Variants in ROBO2 observed in about 807,000 individuals in gnomAD.
ROBO2 encodes roundabout homolog 2.
In ROBO2, 53 loss-of-function variants were observed where a neutral mutation model predicts 160.8. The observed-to-expected ratio is 0.33, with a 90% CI of 0.26 to 0.41. The LOEUF (loss-of-function observed/expected upper bound fraction) is 0.41. ROBO2 is among the 10% of genes least tolerant of loss of function. ROBO2 has a pLI of 1.00. For synonymous variants in ROBO2, 664 were observed against 611.7 expected (o/e 1.09, Z -1.26); for missense variants, 1,577 against 1,722.4 (o/e 0.92, Z 1.49).
intron 2 of ROBO2, among the ~76,000 whole-genome samples, chr3:77,382,509 G>A (rs1344463625): frequency 3.9e-5 from 6 of 151,970 alleles, no homozygotes; most frequent in Non-Finnish European, 5.9e-5. Context: ...TAGAGCACCT[G>A]TCATCTGAGT....
chr3:76,780,203 G>A (rs547197209), intron 2 of ROBO2, among the ~76,000 whole-genome samples: 1 of 148,636 alleles, frequency 6.7e-6, no homozygotes, highest in Non-Finnish European at 1.5e-5. Context: ...TTTTTTGTTT[G>A]TTTGTTTTTT....
At chr3:76,633,914 A>C (rs9876168) in intron 2 of ROBO2, among the ~76,000 whole-genome samples, 4,503 of 152,294 alleles carry the variant, frequency 0.03, 225 homozygotes, top group African/African-American at 0.1. Flanking sequence ...TTACTGACTG[A>C]GAGTCAACTC....
At chr3:76,423,367 G>A (rs745618864) in intron 2 of ROBO2, among the ~76,000 whole-genome samples, 14 of 152,154 alleles carry the variant, frequency 9.2e-5, no homozygotes, top group Non-Finnish European at 1.8e-4. Context: ...GCACTCAGGA[G>A]CCAGGATGTT....
At chr3:76,548,283 A>T (rs2083223967) in intron 2 of ROBO2, among the ~76,000 whole-genome samples, 1 of 152,306 alleles carries the variant, frequency 6.6e-6, no homozygotes, top group South Asian at 2.1e-4. Context: ...TATGCTGACA[A>T]AAAAATGAAA....
chr3:76,673,886 A>G (rs1042778244), intron 2 of ROBO2, among the ~76,000 whole-genome samples: 1 of 152,198 alleles, frequency 6.6e-6, no homozygotes, highest in African/African-American at 2.4e-5. Context: ...GAAAATCAAT[A>G]TAACCTATTT....
intron 2 of ROBO2, among the ~76,000 whole-genome samples, chr3:75,966,947 AGTT>A (rs1379279583): frequency 6.6e-6 from 1 of 151,706 alleles, no homozygotes; most frequent in Admixed American, 6.6e-5. Context: ...CTCTACAGAT[AGTT>A]TATCAACACA....
intron 2 of ROBO2, among the ~76,000 whole-genome samples, chr3:76,356,791 A>C (rs908579058): frequency 5.3e-5 from 8 of 151,836 alleles, no homozygotes; most frequent in Non-Finnish European, 8.8e-5. Context: ...ATACCCCACT[A>C]TGCAACTGCA....
chr3:76,112,921 A>G (rs564756749), intron 2 of ROBO2, among the ~76,000 whole-genome samples: 2 of 152,100 alleles, frequency 1.3e-5, no homozygotes, highest in Non-Finnish European at 2.9e-5. Context: ...TAAATGATAT[A>G]ATACTTTAAA....
intron 1 of ROBO2, among the ~76,000 whole-genome samples, chr3:75,926,815 T>C (rs1947311872): frequency 6.6e-6 from 1 of 152,188 alleles, no homozygotes; most frequent in Admixed American, 6.5e-5. Context: ...GTCATTACAC[T>C]TGGCCCTAAT....
chr3:76,563,883 A>G (rs867512235), intron 2 of ROBO2, among the ~76,000 whole-genome samples: 1 of 152,260 alleles, frequency 6.6e-6, no homozygotes, highest in Non-Finnish European at 1.5e-5. Context: ...TTTGAAGTCC[A>G]GGTCATAAAC....
At chr3:77,522,979 C>A in intron 6 of ROBO2, 77 bp downstream of exon 6, 1 of 1,525,046 alleles carries the variant, frequency 6.6e-7, no homozygotes, top group South Asian at 1.1e-5. Flanking sequence ...AACTTACGAT[C>A]AAAATAATGA....
chr3:76,635,712 C>T (rs930614542), intron 2 of ROBO2, among the ~76,000 whole-genome samples: 1 of 152,162 alleles, frequency 6.6e-6, no homozygotes, highest in African/African-American at 2.4e-5. Context: ...ACCTCCAATG[C>T]GAGTGCAGAC....
At chr3:77,364,146 A>G (rs2070482045) in intron 2 of ROBO2, among the ~76,000 whole-genome samples, 1 of 152,184 alleles carries the variant, frequency 6.6e-6, no homozygotes, top group African/African-American at 2.4e-5. Context: ...CATTCTGGGT[A>G]GATCTTAAAT....
At chr3:77,370,158 C>T (rs4683975) in intron 2 of ROBO2, among the ~76,000 whole-genome samples, 125,278 of 152,180 alleles carry the variant, frequency 0.82, 51,806 homozygotes, top group East Asian at 1. Context: ...AAAAGGGGAA[C>T]GAAAATTTAA....
chr3:77,342,410 T>C (rs2067166250), intron 2 of ROBO2, among the ~76,000 whole-genome samples: 1 of 152,154 alleles, frequency 6.6e-6, no homozygotes, highest in South Asian at 2.1e-4. Flanking sequence ...GACCGTCTTC[T>C]CTGGTTGGAA....
intron 2 of ROBO2, among the ~76,000 whole-genome samples, chr3:76,934,543 G>A (rs970020097): frequency 1.3e-5 from 2 of 152,052 alleles, no homozygotes; most frequent in African/African-American, 4.8e-5. Context: ...GAGATCGATC[G>A]AGACCGTCCT....
intron 2 of ROBO2, among the ~76,000 whole-genome samples, chr3:76,622,777 A>G (rs1312137083): frequency 2.0e-5 from 3 of 152,066 alleles, no homozygotes; most frequent in Non-Finnish European, 4.4e-5. Flanking sequence ...TCAAGCTTCT[A>G]TGTATACTTT....
intron 2 of ROBO2, among the ~76,000 whole-genome samples, chr3:76,257,406 T>C (rs1312498726): frequency 6.6e-6 from 1 of 152,088 alleles, no homozygotes; most frequent in Non-Finnish European, 1.5e-5. Context: ...GCCCTAAACT[T>C]TGTGCCAAGG....
At chr3:76,319,518 A>C (rs1247027582) in intron 2 of ROBO2, among the ~76,000 whole-genome samples, 2 of 152,028 alleles carry the variant, frequency 1.3e-5, no homozygotes, top group Non-Finnish European at 2.9e-5. Flanking sequence ...TATGATGTTG[A>C]AAACAAAATT....
Sources: gnomAD v4.1 joint callset for allele counts (sites outside exome capture counted in the v4.1 genomes callset) on GRCh38, gnomAD v4.1.1 for gene constraint, MANE v1.5 for transcripts, NCBI Gene and HGNC (gene_info 2026-07-23, HGNC 2026-07-21) for gene names.